GTSF1L: variants seen among roughly 807,000 people sequenced by gnomAD.
GTSF1L encodes the protein gametocyte-specific factor 1-like.
Under a neutral mutation model 1.1 loss-of-function variants are expected in GTSF1L, and 1 was observed. The observed-to-expected ratio is 0.90, with a 90% CI of 0.32 to 4.28. GTSF1L has a LOEUF of 4.28. GTSF1L is among the 30% of genes most tolerant of loss of function. The probability of loss-of-function intolerance (pLI) is 0.17; values close to 1 mark genes in which losing one functional copy is unlikely to be tolerated. For missense variants in GTSF1L, 169 were observed against 181.9 expected (o/e 0.93, Z 0.41); for synonymous variants, 62 against 69.3 (o/e 0.89, Z 0.53).
rs968874258 is a variant in GTSF1L, at chr20:43,726,872, A to G, written c.-178T>C. 4 of 570,772 alleles carry G rather than the reference A, an allele frequency of 7.0e-6. No homozygotes were observed. The highest frequency in any genetic ancestry group is 1.3e-5 in the Non-Finnish European group (4 of 317,472). The allele number at this position is 570,772 out of a possible 1,614,324, so 35.4% of individuals were successfully genotyped here. On this transcript the variant is annotated 5_prime_UTR_variant, in exon 1 of 1. Transcript: ENST00000373003. ...CTAGGACTGTGAGTGGTGGATTAGA[A>G]GAGAGATGAGGAGCTGCCAAAAGCA...
At position 43,726,822 on chromosome 20, in the gene GTSF1L, A is replaced by G. The variant is rs2068186629; in HGVS notation, c.-128T>C. On this transcript the variant is annotated 5_prime_UTR_variant, in exon 1 of 1. Transcript: ENST00000373003. ...TTTGGCCCTTGGGATTCTGTAGGTG[A>G]CGGTCTTAACTTGTGGTCTGTTCTC... is the stretch of plus-strand genomic sequence containing the variant. 5.9e-6 allele frequency: 4 copies of G among 674,706 alleles called. No homozygotes were observed. The highest frequency in any genetic ancestry group is 1.0e-5 in the Non-Finnish European group (4 of 387,666). The allele number at this position is 674,706 out of a possible 1,614,324, so 41.8% of individuals were successfully genotyped here.
In GTSF1L at chr20:43,726,993, C is replaced by A; in HGVS notation, c.-299G>T. 1 of 281,298 alleles carries A rather than the reference C, an allele frequency of 3.6e-6. No homozygotes were observed. The highest frequency in any genetic ancestry group is 7.1e-6 in the Non-Finnish European group (1 of 141,418). The allele number at this position is 281,298 out of a possible 1,614,324, so 17.4% of individuals were successfully genotyped here. A position where few individuals can be genotyped will look rare whatever the true frequency, so the allele number is the denominator to read the frequency against. ...CACAGCCGCTTGACTCACGGATATACTATGATGTCAAGCTGCAGTCACCGG... is the reference window on the plus strand; with the variant it reads ...CACAGCCGCTTGACTCACGGATATAATATGATGTCAAGCTGCAGTCACCGG... On this transcript the variant is annotated 5_prime_UTR_variant, in exon 1 of 1. Coordinates refer to ENST00000373003, the MANE Select transcript of GTSF1L (RefSeq NM_176791.4).
At position 43,726,322 on chromosome 20, in the gene GTSF1L, C is replaced by A. The variant is rs1200372032; in HGVS notation, c.373G>T (p.Val125Phe). 1 of 1,614,122 alleles carries A rather than the reference C, an allele frequency of 6.2e-7. No individual in the cohort carries two copies. Among genetic ancestry groups the A allele is most frequent in the East Asian group, 2.2e-5 (1 of 44,880 alleles). The change falls in exon 1 of 1, where the codon GTT becomes TTT. Residue 125 changes from valine to phenylalanine, a missense_variant. Physicochemically the swap from Val to Phe is conservative, Grantham distance 50 (BLOSUM62 -1). Coordinates refer to ENST00000373003, the MANE Select transcript of GTSF1L (RefSeq NM_176791.4). ...FVLKTFFPQK[V>F]VCENDTKESA... is the part of the protein sequence containing the mutation. Reference sequence around the variant, plus strand: ...TCTTTCGTGTCATTTTCACAAACAACCTTTTGAGGAAAAAAAGTCTTAAGG... The same window carrying A: ...TCTTTCGTGTCATTTTCACAAACAAACTTTTGAGGAAAAAAAGTCTTAAGG...
At position 43,726,430 on chromosome 20, in the gene GTSF1L, C is replaced by T. The variant is rs143516837; in HGVS notation, c.265G>A (p.Asp89Asn). The change falls in exon 1 of 1, where the codon GAT becomes AAT. Residue 89 changes from aspartate to asparagine, a missense_variant. Coordinates refer to ENST00000373003, the MANE Select transcript of GTSF1L (RefSeq NM_176791.4). ...KVSPPSSEQN[D>N]DTQQVSPCLP... The stretch of plus-strand genomic sequence containing the variant: ...CAGGGTGAGACCTGCTGGGTGTCAT[C>T]GTTCTGCTCTGAACTAGGAGGACTG... 242 of 1,614,002 alleles carry T rather than the reference C, an allele frequency of 1.5e-4. No homozygotes were observed. The African/African-American group carries it at 2.4e-3, about 16-fold the overall frequency.
chr20:43,726,614 T>C lies in GTSF1L; in HGVS notation c.81A>G (p.Ala27=). 2 of 1,613,866 alleles carry C rather than the reference T, an allele frequency of 1.2e-6. No homozygotes were observed. The highest frequency in any genetic ancestry group is 8.5e-7 in the Non-Finnish European group (1 of 1,179,902). The change falls in exon 1 of 1, where the codon GCA becomes GCG. Residue 27 remains alanine (A), a synonymous_variant. Coordinates refer to ENST00000373003, the MANE Select transcript of GTSF1L (RefSeq NM_176791.4). ...TCTTGGGGTTCTTTCTCCTGCACGA[T>C]GCCAGGTGGTACTGGAATCTGCTGA... The part of the protein sequence containing the change: ...IPLSRFQYHL[A]SCRRKNPKKA...
In GTSF1L at chr20:43,726,651, T is replaced by G; in HGVS notation, c.44A>C (p.His15Pro). The change falls in exon 1 of 1, where the codon CAC becomes CCC. Residue 15 changes from histidine (H) to proline (P), a missense_variant. His to Pro is a moderately conservative substitution (Grantham distance 77). Coordinates refer to ENST00000373003, the MANE Select transcript of GTSF1L (RefSeq NM_176791.4). Reference protein sequence around the residue: ...AFEICPYDPHHRIPLSRFQYH... With the variant: ...AFEICPYDPHPRIPLSRFQYH... ...CTGGAATCTGCTGAGTGGGATTCGG[T>G]GGTGAGGATCATAAGGGCAAATTTC... 6.2e-7 allele frequency: 1 copy of G among 1,604,814 alleles called. No homozygotes were observed.
Position 43,726,714 on chromosome 20 carries a change from G to A in GTSF1L, c.-20C>T, listed in dbSNP as rs200437907. The A allele has an allele frequency of 4.6e-6, 7 of 1,509,048 alleles. No individual in the cohort carries two copies. In the East Asian group the frequency reaches 1.4e-4, roughly 29 times the overall value. The allele number at this position is 1,509,048 out of a possible 1,614,324, so 93.5% of individuals were successfully genotyped here. On this transcript the variant is annotated 5_prime_UTR_variant, in exon 1 of 1. Coordinates refer to ENST00000373003, the MANE Select transcript of GTSF1L (RefSeq NM_176791.4). ...CTCCATGAGAAATTCTTGAAGCAGG[G>A]TATCTCACTGCTAGAGTCTAACGGA...
chr20:43,726,258 G>T lies in GTSF1L; in HGVS notation c.437C>A (p.Pro146Gln), dbSNP rs2068179274. 2 of 1,610,256 alleles carry T rather than the reference G, an allele frequency of 1.2e-6. No homozygotes were observed. Among genetic ancestry groups the T allele is most frequent in the Non-Finnish European group, 1.7e-6 (2 of 1,177,174 alleles). ...RETSPQKILRPGQ is the reference protein window; with the variant it reads ...RETSPQKILRQGQ Reference sequence around the variant, plus strand: ...TCCTCAGCTGGCAGTTTACTGTCCTGGTCTGAGGATCTTCTGGGGACTGGT... The same window carrying T: ...TCCTCAGCTGGCAGTTTACTGTCCTTGTCTGAGGATCTTCTGGGGACTGGT... The change falls in exon 1 of 1, where the codon CCA (proline) becomes CAA (glutamine). Residue 146 changes from proline (P) to glutamine (Q), a missense_variant. Physicochemically the swap from Pro to Gln is moderately conservative, Grantham distance 76. Transcript: ENST00000373003.
Position 43,726,838 on chromosome 20 carries a change from G to A in GTSF1L, c.-144C>T, listed in dbSNP as rs1468095159. ...CTGTAGGTGACGGTCTTAACTTGTG[G>A]TCTGTTCTCTAGGACTGTGAGTGGT... On this transcript the variant is annotated 5_prime_UTR_variant, in exon 1 of 1. Transcript: ENST00000373003. 4.7e-6 allele frequency: 3 copies of A among 638,490 alleles called. No homozygotes were observed. Among genetic ancestry groups the A allele is most frequent in the African/African-American group, 1.8e-5 (1 of 54,482 alleles). 39.6% of individuals were successfully genotyped at this position (638,490 alleles called of 1,614,324 possible).
rs746776440 is a variant in GTSF1L, at chr20:43,726,741, A to G, written c.-47T>C. 2 of 1,395,632 alleles carry G rather than the reference A, an allele frequency of 1.4e-6. No individual in the cohort carries two copies. Among genetic ancestry groups the G allele is most frequent in the Non-Finnish European group, 2.0e-6 (2 of 1,022,068 alleles). 86.5% of individuals were successfully genotyped at this position (1,395,632 alleles called of 1,614,324 possible). On this transcript the variant is annotated 5_prime_UTR_variant, in exon 1 of 1. Transcript: ENST00000373003. ...ATCTCACTGCTAGAGTCTAACGGAAATGCTTCTTGTGGAGAAGCCCTTTTG... is the reference window on the plus strand; with the variant it reads ...ATCTCACTGCTAGAGTCTAACGGAAGTGCTTCTTGTGGAGAAGCCCTTTTG...
chr20:43,726,746 T>C lies in GTSF1L; in HGVS notation c.-52A>G. ...ACTGCTAGAGTCTAACGGAAATGCT[T>C]CTTGTGGAGAAGCCCTTTTGTAAGA... On this transcript the variant is annotated 5_prime_UTR_variant, in exon 1 of 1. Coordinates refer to ENST00000373003, the MANE Select transcript of GTSF1L (RefSeq NM_176791.4). 7.3e-7 allele frequency: 1 copy of C among 1,361,228 alleles called. No homozygotes were observed. The highest frequency in any genetic ancestry group is 1.0e-6 in the Non-Finnish European group (1 of 991,420). 84.3% of individuals were successfully genotyped at this position (1,361,228 alleles called of 1,614,324 possible). A position where few individuals can be genotyped will look rare whatever the true frequency, so the allele number is the denominator to read the frequency against.
At position 43,726,857 on chromosome 20, in the gene GTSF1L, G is replaced by T; in HGVS notation, c.-163C>A. On this transcript the variant is annotated 5_prime_UTR_variant, in exon 1 of 1. Coordinates refer to ENST00000373003, the MANE Select transcript of GTSF1L (RefSeq NM_176791.4). ...CTTGTGGTCTGTTCTCTAGGACTGT[G>T]AGTGGTGGATTAGAAGAGAGATGAG... is the stretch of plus-strand genomic sequence containing the variant. 1 of 593,982 alleles carries T rather than the reference G, an allele frequency of 1.7e-6. No homozygotes were observed. The allele number at this position is 593,982 out of a possible 1,614,324, so 36.8% of individuals were successfully genotyped here.
Position 43,726,282 on chromosome 20 carries a change from G to C in GTSF1L, c.413C>G (p.Thr138Ser), listed in dbSNP as rs776226198. 19 of 1,613,606 alleles carry C rather than the reference G, an allele frequency of 1.2e-5. No homozygotes were observed. In the East Asian group the frequency reaches 4.0e-4, roughly 34 times the overall value. ...ENDTKESARE[T>S]SPQKILRPGQ is the part of the protein sequence containing the mutation. ...TGGTCTGAGGATCTTCTGGGGACTG[G>C]TCTCTCTTGCTGACTCTTTCGTGTC... The change falls in exon 1 of 1, where the codon ACC becomes AGC. Residue 138 changes from threonine (T) to serine (S), a missense_variant. Coordinates refer to ENST00000373003, the MANE Select transcript of GTSF1L (RefSeq NM_176791.4).
Position 43,726,793 on chromosome 20 carries a change from CAGTT to C in GTSF1L, c.-103_-100del. 1.1e-6 allele frequency: 1 copy of C among 899,066 alleles called. No homozygotes were observed. Among genetic ancestry groups the C allele is most frequent in the Non-Finnish European group, 1.7e-6 (1 of 578,802 alleles). 55.7% of individuals were successfully genotyped at this position (899,066 alleles called of 1,614,324 possible). ...AAGAAGGATGGAGTTGTCCTCTGCC[CAGTT>C]TTGGCCCTTGGGATTCTGTAGGTGA... On this transcript the variant is annotated 5_prime_UTR_variant, in exon 1 of 1. Coordinates refer to ENST00000373003, the MANE Select transcript of GTSF1L (RefSeq NM_176791.4).
Position 43,726,452 on chromosome 20 carries a change from A to G in GTSF1L, c.243T>C (p.Ser81=), listed in dbSNP as rs2068181787. The G allele has an allele frequency of 6.2e-7, 1 of 1,613,618 alleles. No individual in the cohort carries two copies. Residue 81 remains serine (S), a synonymous_variant, in exon 1 of 1, where the codon AGT becomes AGC. Transcript: ENST00000373003. ...EEDTENPLKV[S]PPSSEQNDDT... Reference sequence around the variant, plus strand: ...CATCGTTCTGCTCTGAACTAGGAGGACTGACTTTCAGAGGGTTCTCGGTGT... The same window carrying G: ...CATCGTTCTGCTCTGAACTAGGAGGGCTGACTTTCAGAGGGTTCTCGGTGT...
Position 43,726,317 on chromosome 20 carries a change from A to G in GTSF1L, c.378T>C (p.Val126=). ...CTGACTCTTTCGTGTCATTTTCACAAACAACCTTTTGAGGAAAAAAAGTCT... is the reference window on the plus strand; with the variant it reads ...CTGACTCTTTCGTGTCATTTTCACAGACAACCTTTTGAGGAAAAAAAGTCT... The part of the protein sequence containing the change: ...VLKTFFPQKV[V]CENDTKESAR... Residue 126 remains valine, a synonymous_variant, in exon 1 of 1, where the codon GTT becomes GTC. Coordinates refer to ENST00000373003, the MANE Select transcript of GTSF1L (RefSeq NM_176791.4). 3 of 1,614,158 alleles carry G rather than the reference A, an allele frequency of 1.9e-6. No homozygotes were observed. The highest frequency in any genetic ancestry group is 2.5e-6 in the Non-Finnish European group (3 of 1,180,038).
At position 43,726,627 on chromosome 20, in the gene GTSF1L, T is replaced by C. The variant is rs2068184740; in HGVS notation, c.68A>G (p.Gln23Arg). Residue 23 changes from glutamine (Q) to arginine (R), a missense_variant, in exon 1 of 1, where the codon CAG (glutamine) becomes CGG (arginine). Transcript: ENST00000373003. ...PHHRIPLSRF[Q>R]YHLASCRRKN... ...TCTCCTGCACGATGCCAGGTGGTACTGGAATCTGCTGAGTGGGATTCGGTG... is the reference window on the plus strand; with the variant it reads ...TCTCCTGCACGATGCCAGGTGGTACCGGAATCTGCTGAGTGGGATTCGGTG... 1.2e-6 allele frequency: 2 copies of C among 1,612,994 alleles called. No homozygotes were observed. Among genetic ancestry groups the C allele is most frequent in the Non-Finnish European group, 1.7e-6 (2 of 1,179,406 alleles).
Position 43,726,638 on chromosome 20 carries a change from G to C in GTSF1L, c.57C>G (p.Leu19=), listed in dbSNP as rs745764110. ...ATGCCAGGTGGTACTGGAATCTGCT[G>C]AGTGGGATTCGGTGGTGAGGATCAT... The part of the protein sequence containing the change: ...CPYDPHHRIP[L]SRFQYHLASC... The change falls in exon 1 of 1, where the codon CTC becomes CTG. Residue 19 remains leucine, a synonymous_variant. Transcript: ENST00000373003. 1.2e-6 allele frequency: 2 copies of C among 1,611,252 alleles called. No homozygotes were observed. The highest frequency in any genetic ancestry group is 1.7e-6 in the Non-Finnish European group (2 of 1,178,566).
rs777588102 is a variant in GTSF1L, at chr20:43,726,614, T to G, written c.81A>C (p.Ala27=). The change falls in exon 1 of 1, where the codon GCA becomes GCC. Residue 27 remains alanine (A), a synonymous_variant. Coordinates refer to ENST00000373003, the MANE Select transcript of GTSF1L (RefSeq NM_176791.4). ...TCTTGGGGTTCTTTCTCCTGCACGA[T>G]GCCAGGTGGTACTGGAATCTGCTGA... ...IPLSRFQYHL[A]SCRRKNPKKA... The G allele has an allele frequency of 1.7e-5, 28 of 1,613,748 alleles. No homozygotes were observed. In the Middle Eastern group the frequency reaches 4.9e-4, roughly 28 times the overall value.
Sources: gnomAD v4.1 joint callset for allele counts on GRCh38, gnomAD v4.1.1 for gene constraint, MANE v1.5 for transcripts, NCBI Gene and HGNC (gene_info 2026-07-23, HGNC 2026-07-21) for gene names.